The following FGF7 variants were observed in gnomAD, a reference collection of about 807,000 sequenced individuals.
FGF7 encodes the protein fibroblast growth factor 7.
Under a neutral mutation model 20.5 loss-of-function variants are expected in FGF7, and 6 were observed. The ratio of observed to expected loss-of-function variants is 0.29; its 90% CI spans 0.16 to 0.58. The LOEUF is 0.58. FGF7 is among the 20% of genes least tolerant of loss of function. The pLI, the probability that FGF7 is intolerant of heterozygous loss-of-function variation, is 0.90. For synonymous variants in FGF7, 64 were observed against 74.7 expected (o/e 0.86, Z 0.74); for missense variants, 144 against 228.8 (o/e 0.63, Z 2.39).
intron 2 of FGF7, chr15:49,425,032 T>G (rs1459592506): frequency 6.5e-6 from 1 of 153,324 alleles, no homozygotes; most frequent in African/African-American, 2.4e-5. Context: ...TTTCATGATG[T>G]AAATTAAAAT....
chr15:49,448,047 C>A (rs552762751), intron 2 of FGF7, among the ~76,000 whole-genome samples: 1 of 151,676 alleles, frequency 6.6e-6, no homozygotes, highest in East Asian at 1.9e-4. Context: ...AGAGCATATA[C>A]AGATTTATAA....
chr15:49,432,919 C>T (rs2050745050), intron 2 of FGF7, among the ~76,000 whole-genome samples: 1 of 151,472 alleles, frequency 6.6e-6, no homozygotes, highest in Admixed American at 6.6e-5. Context: ...AAAACATTTC[C>T]TATGCTATAA....
chr15:49,439,394 G>A (rs2051414966), intron 2 of FGF7, among the ~76,000 whole-genome samples: 1 of 151,560 alleles, frequency 6.6e-6, no homozygotes, highest in Non-Finnish European at 1.5e-5. Context: ...TATTTTATTG[G>A]TCACACAGAC....
At chr15:49,456,296 A>T (rs753409465) in intron 2 of FGF7, among the ~76,000 whole-genome samples, 10 of 152,104 alleles carry the variant, frequency 6.6e-5, no homozygotes, top group Non-Finnish European at 1.2e-4. Context: ...TTTGTGAAAG[A>T]AGTACAAAGT....
At chr15:49,479,107 G>A (rs1346115260) in intron 2 of FGF7, among the ~76,000 whole-genome samples, 1 of 152,044 alleles carries the variant, frequency 6.6e-6, no homozygotes, top group African/African-American at 2.4e-5. Flanking sequence ...AGCTATTTAG[G>A]GCATAGTCTC....
rs780006901 is a variant in FGF7, at chr15:49,484,373, G to A, written c.454G>A (p.Ala152Thr). ...TCTGGAAAACCATTACAACACATAT[G>A]CATCAGCTAAATGGACACACAACGG... is the stretch of plus-strand genomic sequence containing the variant. ...LILENHYNTY[A>T]SAKWTHNGGE... The change falls in exon 4 of 4, where the codon GCA becomes ACA. Residue 152 changes from alanine to threonine, a missense_variant. By Grantham distance (58) the Ala-to-Thr change is moderately conservative. This residue lies in a region of FGF7 where 56 missense variants were observed against 125.4 expected (regional missense o/e 0.45). Transcript: ENST00000267843. The A allele has an allele frequency of 1.9e-6, 3 of 1,594,538 alleles. No individual in the cohort carries two copies. The highest frequency in any genetic ancestry group is 2.2e-5 in the East Asian group (1 of 44,630).
chr15:49,474,056 A>G (rs2055024981), intron 2 of FGF7, among the ~76,000 whole-genome samples: 2 of 152,186 alleles, frequency 1.3e-5, no homozygotes, highest in Admixed American at 6.5e-5. Context: ...TTGATAGGCG[A>G]ACTTTTTATT....
intron 2 of FGF7, among the ~76,000 whole-genome samples, chr15:49,428,051 G>A (rs75786151): frequency 0.023 from 3,556 of 151,962 alleles, 93 homozygotes; most frequent in South Asian, 0.13. Context: ...GGAACCCAAC[G>A]GAAATAAGAC....
In FGF7 at chr15:49,487,850, G is replaced by A. The variant is rs1379193709; in HGVS notation, c.*3346G>A. On this transcript the variant is annotated 3_prime_UTR_variant, in exon 4 of 4. Coordinates refer to ENST00000267843, the MANE Select transcript of FGF7 (RefSeq NM_002009.4). ...CAATTAAACACCAGTAAGCAAAATT[G>A]ATACATCAGAATGACTTGCAGGGCT... 1 of 151,930 alleles carries A rather than the reference G, an allele frequency of 6.6e-6. No homozygotes were observed. The highest frequency in any genetic ancestry group is 1.5e-5 in the Non-Finnish European group (1 of 67,924). 9.4% of individuals were successfully genotyped at this position (151,930 alleles called of 1,614,324 possible). A position where few individuals can be genotyped will look rare whatever the true frequency, so the allele number is the denominator to read the frequency against.
At chr15:49,433,326 TCTTA>T (rs1212584114) in intron 2 of FGF7, among the ~76,000 whole-genome samples, 6 of 151,734 alleles carry the variant, frequency 4.0e-5, no homozygotes, top group Non-Finnish European at 7.4e-5. Context: ...AAGTACCATA[TCTTA>T]CTTTTTATTT....
At position 49,486,237 on chromosome 15, in the gene FGF7, T is replaced by C. The variant is rs1020275138; in HGVS notation, c.*1733T>C. ...GAAAAGGCTAGGTCAACAAAAACAA[T>C]AGATTCATTTAATTTTCCTGTGGTT... On this transcript the variant is annotated 3_prime_UTR_variant, in exon 4 of 4. Transcript: ENST00000267843. The C allele has an allele frequency of 2.6e-5, 4 of 152,038 alleles. No homozygotes were observed. The highest frequency in any genetic ancestry group is 2.6e-4 in the Admixed American group (4 of 15,228). The allele number at this position is 152,038 out of a possible 1,614,324, so 9.4% of individuals were successfully genotyped here.
At chr15:49,431,582 G>A (rs1363655054) in intron 2 of FGF7, among the ~76,000 whole-genome samples, 1 of 151,696 alleles carries the variant, frequency 6.6e-6, no homozygotes, top group East Asian at 1.9e-4. Flanking sequence ...AGATTCTCCA[G>A]TTGCTTAACT....
Position 49,487,253 on chromosome 15 carries a change from A to G in FGF7, c.*2749A>G, listed in dbSNP as rs1324424398. 2 of 151,840 alleles carry G rather than the reference A, an allele frequency of 1.3e-5. No individual in the cohort carries two copies. The highest frequency in any genetic ancestry group is 2.9e-5 in the Non-Finnish European group (2 of 67,832). The allele number at this position is 151,840 out of a possible 1,614,324, so 9.4% of individuals were successfully genotyped here. ...ATGGAAAGCTTTGTGCAAAATATAC[A>G]TATAAGCAGAGTAAGCCTTTTAAAA... On this transcript the variant is annotated 3_prime_UTR_variant, in exon 4 of 4. Transcript: ENST00000267843.
At chr15:49,441,487 C>A (rs1453850958) in intron 2 of FGF7, among the ~76,000 whole-genome samples, 1 of 151,650 alleles carries the variant, frequency 6.6e-6, no homozygotes, top group Non-Finnish European at 1.5e-5. Flanking sequence ...CCAACAGGAG[C>A]TCCAGAGGAC....
intron 2 of FGF7, among the ~76,000 whole-genome samples, chr15:49,443,788 A>G (rs1275083437): frequency 6.6e-6 from 1 of 151,720 alleles, no homozygotes; most frequent in Non-Finnish European, 1.5e-5. Context: ...CTTCAGAGAA[A>G]AACAGAAATA....
At chr15:49,438,429 C>T (rs897063550) in intron 2 of FGF7, among the ~76,000 whole-genome samples, 1 of 151,572 alleles carries the variant, frequency 6.6e-6, no homozygotes, top group Non-Finnish European at 1.5e-5. Context: ...GTCTTTGATA[C>T]AGGGATTTAT....
rs1250372631 is a variant in FGF7 at position 49,487,901 on chromosome 15, T to G, written c.*3397T>G. On this transcript the variant is annotated 3_prime_UTR_variant, in exon 4 of 4. Coordinates refer to ENST00000267843, the MANE Select transcript of FGF7 (RefSeq NM_002009.4). ...TATCATGCAGTTTGGTTTACATCCC[T>G]ACTCCACTGCCATTTACTTGAGCGT... 6.6e-6 allele frequency: 1 copy of G among 152,022 alleles called. No individual in the cohort carries two copies. Among genetic ancestry groups the G allele is most frequent in the Non-Finnish European group, 1.5e-5 (1 of 67,942 alleles). The allele number at this position is 152,022 out of a possible 1,614,324, so 9.4% of individuals were successfully genotyped here.
At position 49,440,400 on chromosome 15, in the gene FGF7, TTATATA is replaced by T. The variant is rs147447681; in HGVS notation, c.286+15822_286+15827del. On this transcript the variant is annotated intron_variant, in intron 2 of 3. Coordinates refer to ENST00000267843, the MANE Select transcript of FGF7 (RefSeq NM_002009.4). Reference sequence around the variant, plus strand: ...AGTATTTATAGTGAAAAGCCAATGTTTATATATATAGGAAAAAGAGATCAGCAAATT... The same window carrying T: ...AGTATTTATAGTGAAAAGCCAATGTTTATAGGAAAAAGAGATCAGCAAATT... Among the ~76,000 whole-genome samples, 1,063 of 151,756 alleles carry T rather than the reference TTATATA, an allele frequency of 7.0e-3. 14 individuals are homozygous for T. Among genetic ancestry groups the T allele is most frequent in the African/African-American group, 0.025 (1,018 of 41,442 alleles).
intron 2 of FGF7, among the ~76,000 whole-genome samples, chr15:49,426,112 AC>A (rs1233789698): frequency 4.6e-5 from 7 of 151,816 alleles, no homozygotes; most frequent in African/African-American, 1.7e-4. Context: ...AAAAATTATG[AC>A]ACATGGGGCA....
Sources: gnomAD v4.1 joint callset for allele counts (sites outside exome capture counted in the v4.1 genomes callset) on GRCh38, gnomAD v4.1.1 for gene constraint, gnomAD v4.1.1 regional missense constraint, MANE v1.5 for transcripts, NCBI Gene and HGNC (gene_info 2026-07-23, HGNC 2026-07-21) for gene names.